The following CD1E variants were observed in gnomAD, a reference collection of about 807,000 sequenced individuals.
The protein encoded by CD1E is T-cell surface glycoprotein CD1e, membrane-associated.
Under a neutral mutation model 40.1 loss-of-function variants are expected in CD1E, and 49 were observed. The ratio of observed to expected loss-of-function variants is 1.22; its 90% CI spans 0.97 to 1.55. The LOEUF (loss-of-function observed/expected upper bound fraction) is 1.55, where lower values mean the gene tolerates loss of function less well. CD1E is among the 40% of genes most tolerant of loss of function. The pLI is 0.00. For synonymous variants in CD1E, 189 were observed against 178.3 expected, an observed-to-expected ratio of 1.06 and a Z score of -0.48; for missense variants, 492 against 471.3, an observed-to-expected ratio of 1.04 and a Z score of -0.41.
At chr1:158,355,130 T>A (rs1296670956) in intron 2 of CD1E, among the ~76,000 whole-genome samples, 170 bp from the exon 3 acceptor site, 2 of 149,802 alleles carry the variant, frequency 1.3e-5, no homozygotes, top group African/African-American at 5.0e-5. Context: ...ATCTTTATTA[T>A]CTTCAAATTT....
At position 158,356,958 on chromosome 1, in the gene CD1E, C is replaced by T; in HGVS notation, c.*62C>T. The T allele has an allele frequency of 7.4e-7, 1 of 1,351,180 alleles. No homozygotes were observed. The highest frequency in any genetic ancestry group is 1.1e-6 in the Non-Finnish European group (1 of 945,940). The allele number at this position is 1,351,180 out of a possible 1,614,324, so 83.7% of individuals were successfully genotyped here. A position where few individuals can be genotyped will look rare whatever the true frequency, so the allele number is the denominator to read the frequency against. On this transcript the variant is annotated 3_prime_UTR_variant, in exon 6 of 6. Transcript: ENST00000368167. Reference sequence around the variant, plus strand: ...ATCTTCTTAAACACCGTCCATGTCCCATAAGGGAAGCATGCTTTTATTTAA... The same window carrying T: ...ATCTTCTTAAACACCGTCCATGTCCTATAAGGGAAGCATGCTTTTATTTAA...
intron 2 of CD1E, among the ~76,000 whole-genome samples, chr1:158,355,083 T>C (rs1653452629): frequency 6.6e-6 from 1 of 152,112 alleles, no homozygotes; most frequent in Non-Finnish European, 1.5e-5. Context: ...CCTGATAGCC[T>C]TCCCATCTAC....
At position 158,354,610 on chromosome 1, in the gene CD1E, C is replaced by T; in HGVS notation, c.292C>T (p.Gln98Ter). 6.2e-7 allele frequency: 1 copy of T among 1,614,140 alleles called. No homozygotes were observed. The highest frequency in any genetic ancestry group is 2.2e-5 in the East Asian group (1 of 44,878). ...GCTGAAAAACTTACAGTCACTGTTC[C>T]AGTTATACTTCCATAGTTTTATCCA... ...QELKNLQSLF[Q>*]LYFHSFIQIV... Residue 98 changes from glutamine to a stop codon, truncating the protein, a stop_gained, in exon 2 of 6, where the codon CAG (glutamine) becomes TAG (stop). Transcript: ENST00000368167. LOFTEE classifies it high-confidence loss of function.
In CD1E at chr1:158,356,916, A is replaced by G. The variant is rs73012027; in HGVS notation, c.*20A>G. On this transcript the variant is annotated 3_prime_UTR_variant, in exon 6 of 6. Coordinates refer to ENST00000368167, the MANE Select transcript of CD1E (RefSeq NM_030893.4). ...TGGTGACATTTGCTTTACCTTATAC[A>G]TAAAATCCTTGTCTGCATCTTCTTA... The G allele has an allele frequency of 7.3e-3, 11,703 of 1,607,066 alleles. 722 individuals carry two copies. The African/African-American group carries it at 0.14, about 19-fold the overall frequency.
chr1:158,356,379 A>G (rs1053031664), intron 4 of CD1E, 119 bp from the exon 5 acceptor site: 10 of 869,526 alleles, frequency 1.2e-5, no homozygotes, highest in Non-Finnish European at 1.8e-5. Context: ...AATTGAAATG[A>G]GGGCTTTGGA....
In CD1E at chr1:158,355,953, A is replaced by T. The variant is rs1287721922; in HGVS notation, c.752A>T (p.Gln251Leu). ...ATGTGGATGCGGGGTGAGCAGGAGCAGCGGGGCACTCAGCGAGGGGACGTC... is the reference window on the plus strand; with the variant it reads ...ATGTGGATGCGGGGTGAGCAGGAGCTGCGGGGCACTCAGCGAGGGGACGTC... ...WVMWMRGEQE[Q>L]RGTQRGDVLP... The change falls in exon 4 of 6, where the codon CAG becomes CTG. Residue 251 changes from glutamine to leucine, a missense_variant. Physicochemically the swap from Gln to Leu is moderately radical, Grantham distance 113. Coordinates refer to ENST00000368167, the MANE Select transcript of CD1E (RefSeq NM_030893.4). The T allele has an allele frequency of 6.2e-7, 1 of 1,614,136 alleles. No individual in the cohort carries two copies. The highest frequency in any genetic ancestry group is 1.1e-5 in the South Asian group (1 of 91,082).
chr1:158,357,078 CATT>C lies in CD1E; in HGVS notation c.*183_*185del. On this transcript the variant is annotated 3_prime_UTR_variant, in exon 6 of 6. Transcript: ENST00000368167. The stretch of plus-strand genomic sequence containing the variant: ...TTTCCTGCTTTGGCTACATATCCAT[CATT>C]GTTTATTTTTGAAACTATAATCCAG... The C allele has an allele frequency of 1.8e-6, 1 of 565,480 alleles. No homozygotes were observed. Among genetic ancestry groups the C allele is most frequent in the Admixed American group, 3.1e-5 (1 of 32,564 alleles). The allele number at this position is 565,480 out of a possible 1,614,324, so 35.0% of individuals were successfully genotyped here. A position where few individuals can be genotyped will look rare whatever the true frequency, so the allele number is the denominator to read the frequency against.
intron 3 of CD1E, 70 bp from the exon 4 acceptor site, chr1:158,355,757 C>A (rs1571218983): frequency 6.6e-6 from 10 of 1,504,404 alleles, no homozygotes; most frequent in Non-Finnish European, 8.9e-6. Context: ...TACAAAGGCA[C>A]CTGAGTCTCT....
rs754383051 is a variant in CD1E, at chr1:158,357,003, A to T, written c.*107A>T. 1.1e-6 allele frequency: 1 copy of T among 880,264 alleles called. No homozygotes were observed. The highest frequency in any genetic ancestry group is 2.3e-4 in the Middle Eastern group (1 of 4,428). 54.5% of individuals were successfully genotyped at this position (880,264 alleles called of 1,614,324 possible). ...ATTTAAACAGTTTATACTAGCAAAG[A>T]TACTGACCCCTTTAGGAATACTTTT... is the stretch of plus-strand genomic sequence containing the variant. On this transcript the variant is annotated 3_prime_UTR_variant, in exon 6 of 6. Coordinates refer to ENST00000368167, the MANE Select transcript of CD1E (RefSeq NM_030893.4).
In CD1E at chr1:158,354,275, A is replaced by G. The variant is rs557112628; in HGVS notation, c.59-102A>G. 52 of 1,153,226 alleles carry G rather than the reference A, an allele frequency of 4.5e-5. No homozygotes were observed. In the African/African-American group the frequency reaches 6.9e-4, roughly 15 times the overall value. The allele number at this position is 1,153,226 out of a possible 1,614,324, so 71.4% of individuals were successfully genotyped here. On this transcript the variant is annotated intron_variant, in intron 1 of 5. Transcript: ENST00000368167. ...GGAAAAGGGTATTGGAGTATGTACAAGCTACCTAACTGTCTCTCATCTCTG... is the reference window on the plus strand; with the variant it reads ...GGAAAAGGGTATTGGAGTATGTACAGGCTACCTAACTGTCTCTCATCTCTG...
At chr1:158,354,102 G>A in intron 1 of CD1E, 56 bp downstream of exon 1, 1 of 1,474,580 alleles carries the variant, frequency 6.8e-7, no homozygotes, top group Non-Finnish European at 9.5e-7. Context: ...GGGCTGAGAG[G>A]AAGCTCTGGG....
At position 158,356,936 on chromosome 1, in the gene CD1E, T is replaced by C. The variant is rs1328245480; in HGVS notation, c.*40T>C. 14 of 1,540,990 alleles carry C rather than the reference T, an allele frequency of 9.1e-6. No homozygotes were observed. Among genetic ancestry groups the C allele is most frequent in the Admixed American group, 1.7e-5 (1 of 59,936 alleles). On this transcript the variant is annotated 3_prime_UTR_variant, in exon 6 of 6. Coordinates refer to ENST00000368167, the MANE Select transcript of CD1E (RefSeq NM_030893.4). The stretch of plus-strand genomic sequence containing the variant: ...TATACATAAAATCCTTGTCTGCATC[T>C]TCTTAAACACCGTCCATGTCCCATA...
At position 158,356,906 on chromosome 1, in the gene CD1E, T is replaced by C; in HGVS notation, c.*10T>C. ...AAACCAACTCTGGTGACATTTGCTT[T>C]ACCTTATACATAAAATCCTTGTCTG... On this transcript the variant is annotated 3_prime_UTR_variant, in exon 6 of 6. Transcript: ENST00000368167. 1 of 1,611,484 alleles carries C rather than the reference T, an allele frequency of 6.2e-7. No homozygotes were observed. The highest frequency in any genetic ancestry group is 8.5e-7 in the Non-Finnish European group (1 of 1,177,700).
chr1:158,356,817 A>C lies in CD1E; in HGVS notation c.1088A>C (p.Gln363Pro), dbSNP rs562198084. Residue 363 changes from glutamine to proline, a missense_variant, in exon 6 of 6, where the codon CAG (glutamine) becomes CCG (proline). Coordinates refer to ENST00000368167, the MANE Select transcript of CD1E (RefSeq NM_030893.4). ...CAGGACACCAAGAATTCAAGACATC[A>C]GTTCTGCTTGGCACAAGTATCGTGG... ...NTQDTKNSRH[Q>P]FCLAQVSWIK... 16 of 1,613,996 alleles carry C rather than the reference A, an allele frequency of 9.9e-6. No homozygotes were observed. The highest frequency in any genetic ancestry group is 1.6e-4 in the Middle Eastern group (1 of 6,062).
At position 158,354,475 on chromosome 1, in the gene CD1E, A is replaced by G; in HGVS notation, c.157A>G (p.Ser53Gly). 6.2e-7 allele frequency: 1 copy of G among 1,614,114 alleles called. No homozygotes were observed. The highest frequency in any genetic ancestry group is 8.5e-7 in the Non-Finnish European group (1 of 1,180,012). ...CTTTGCCAACCACAGCTGGGCACACAGTGAGGGCTCAGGATGGCTGGGTGA... is the reference window on the plus strand; with the variant it reads ...CTTTGCCAACCACAGCTGGGCACACGGTGAGGGCTCAGGATGGCTGGGTGA... ...SSFANHSWAH[S>G]EGSGWLGDLQ... Residue 53 changes from serine (S) to glycine (G), a missense_variant, in exon 2 of 6, where the codon AGT (serine) becomes GGT (glycine). By Grantham distance (56) the Ser-to-Gly change is moderately conservative (BLOSUM62 0). Coordinates refer to ENST00000368167, the MANE Select transcript of CD1E (RefSeq NM_030893.4).
intron 5 of CD1E, 57 bp from the exon 6 acceptor site, chr1:158,356,671 C>A: frequency 4.6e-6 from 7 of 1,507,464 alleles, no homozygotes; most frequent in Non-Finnish European, 6.3e-6. Flanking sequence ...TTTTTTTTCT[C>A]TGCCTTTCCC....
chr1:158,355,663 G>A, intron 3 of CD1E, 94 bp downstream of exon 3: 1 of 1,453,676 alleles, frequency 6.9e-7, no homozygotes, highest in Non-Finnish European at 9.2e-7. Context: ...GACATAGTGA[G>A]AGACTAGAGA....
rs201875044 is a variant in CD1E at position 158,355,567 on chromosome 1, A to C, written c.623A>C (p.Lys208Thr). Reference sequence around the variant, plus strand: ...GCAGGGGAGTCAGAACTGAAACGGAAAGGTGAGCCCAACTCTCTCTCTCCC... The same window carrying C: ...GCAGGGGAGTCAGAACTGAAACGGACAGGTGAGCCCAACTCTCTCTCTCCC... Reference protein sequence around the residue: ...MEAGESELKRKVKPEAWLSCG... With the variant: ...MEAGESELKRTVKPEAWLSCG... Residue 208 changes from lysine to threonine, a missense_variant and splice_region_variant, in exon 3 of 6, where the codon AAA becomes ACA. Lys to Thr is a moderately conservative substitution (Grantham distance 78). Coordinates refer to ENST00000368167, the MANE Select transcript of CD1E (RefSeq NM_030893.4). 2,144 of 1,613,612 alleles carry C rather than the reference A, an allele frequency of 1.3e-3. 45 individuals carry two copies. The South Asian group carries it at 0.022, about 17-fold the overall frequency.
At position 158,357,066 on chromosome 1, in the gene CD1E, C is replaced by T. The variant is rs940799536; in HGVS notation, c.*170C>T. The T allele has an allele frequency of 1.4e-5, 8 of 580,698 alleles. No individual in the cohort carries two copies. Among genetic ancestry groups the T allele is most frequent in the African/African-American group, 1.3e-4 (7 of 53,548 alleles). The allele number at this position is 580,698 out of a possible 1,614,324, so 36.0% of individuals were successfully genotyped here. On this transcript the variant is annotated 3_prime_UTR_variant, in exon 6 of 6. Coordinates refer to ENST00000368167, the MANE Select transcript of CD1E (RefSeq NM_030893.4). ...AGAGATTTTTTTTTTCCTGCTTTGG[C>T]TACATATCCATCATTGTTTATTTTT...
Sources: allele counts gnomAD v4.1 joint callset (sites outside exome capture counted in the v4.1 genomes callset), GRCh38; gene constraint gnomAD v4.1.1; transcripts MANE v1.5; gene names NCBI Gene and HGNC (gene_info 2026-07-23, HGNC 2026-07-21).